Variants in PDE1C observed in about 807,000 individuals in gnomAD.
PDE1C encodes phosphodiesterase 1C.
A neutral mutation model predicts 93.1 loss-of-function variants in PDE1C; 62 were observed. The observed-to-expected ratio is 0.67, with a 90% CI of 0.54 to 0.82. The LOEUF (loss-of-function observed/expected upper bound fraction) is 0.82. Among genes scored for constraint, PDE1C ranks in the 40% least tolerant of loss-of-function variants. The pLI, the probability that PDE1C is intolerant of heterozygous loss-of-function variation, is 0.00. For missense variants in PDE1C, 742 were observed against 884.6 expected, an observed-to-expected ratio of 0.84 and a Z score of 2.04; for synonymous variants, 325 against 310.1, an observed-to-expected ratio of 1.05 and a Z score of -0.50.
intron 3 of PDE1C, among the ~76,000 whole-genome samples, chr7:32,125,701 C>T (rs1257213293): frequency 6.6e-6 from 1 of 151,810 alleles, no homozygotes; most frequent in East Asian, 1.9e-4. Context: ...GGGAACAACA[C>T]ACATCAGGGC....
chr7:31,651,561 G>A, the PDE1C span, among the ~76,000 whole-genome samples: 1 of 152,122 alleles, frequency 6.6e-6, no homozygotes, highest in African/African-American at 2.4e-5. Flanking sequence ...AAATGTGGGA[G>A]TTATGAGAGT....
chr7:31,639,795 CA>C, the PDE1C span, among the ~76,000 whole-genome samples: 2 of 152,058 alleles, frequency 1.3e-5, no homozygotes, highest in Non-Finnish European at 2.9e-5. Context: ...CTCAGCCTCC[CA>C]AAGTGCTGGG....
At chr7:31,794,037 TAGATAG>T (rs1784920301) in intron 16 of PDE1C, among the ~76,000 whole-genome samples, 1 of 105,764 alleles carries the variant, frequency 9.5e-6, no homozygotes, top group African/African-American at 3.6e-5. Flanking sequence ...GATAGATAGA[TAGATAG>T]ACAGACAGAC....
chr7:31,974,512 C>T (rs1216512069), intron 2 of PDE1C, among the ~76,000 whole-genome samples: 1 of 152,144 alleles, frequency 6.6e-6, no homozygotes, highest in Admixed American at 6.5e-5. Context: ...GTACTAACAA[C>T]ACCCACTGAA....
At chr7:32,330,096 G>C (rs1197168396) in intron 1 of PDE1C, among the ~76,000 whole-genome samples, 1 of 152,218 alleles carries the variant, frequency 6.6e-6, no homozygotes, top group Non-Finnish European at 1.5e-5. Flanking sequence ...TCCCAAAATG[G>C]AGATTTTGTT....
chr7:31,756,080 G>A (rs992165535), intron 17 of PDE1C, among the ~76,000 whole-genome samples: 1 of 152,150 alleles, frequency 6.6e-6, no homozygotes, highest in African/African-American at 2.4e-5. Flanking sequence ...GCTCAGGCAG[G>A]AGAATCGCTT....
At chr7:32,306,289 C>A (rs1294385325) in intron 1 of PDE1C, among the ~76,000 whole-genome samples, 1 of 152,148 alleles carries the variant, frequency 6.6e-6, no homozygotes, top group Non-Finnish European at 1.5e-5. Context: ...CATAATACTT[C>A]CAGAATATTA....
chr7:31,734,141 AC>A, the PDE1C span, among the ~76,000 whole-genome samples: 1 of 152,184 alleles, frequency 6.6e-6, no homozygotes, highest in South Asian at 2.1e-4. Flanking sequence ...TTTACTGAGC[AC>A]CTAGTATGAG....
chr7:31,670,700 AG>A, the PDE1C span, among the ~76,000 whole-genome samples: 42 of 152,184 alleles, frequency 2.8e-4, no homozygotes, highest in African/African-American at 9.7e-4. Context: ...AGAAGAGAGC[AG>A]GTTCCTGGCA....
chr7:32,195,734 G>T (rs1804566579), intron 2 of PDE1C, among the ~76,000 whole-genome samples: 1 of 152,084 alleles, frequency 6.6e-6, no homozygotes, highest in Non-Finnish European at 1.5e-5. Flanking sequence ...TTTGGCATGG[G>T]TTTCTTCAGG....
chr7:31,713,055 G>A, the PDE1C span, among the ~76,000 whole-genome samples: 1 of 152,042 alleles, frequency 6.6e-6, no homozygotes, highest in African/African-American at 2.4e-5. Flanking sequence ...CTTTTCAACA[G>A]TCCCCCAAAG....
intron 2 of PDE1C, among the ~76,000 whole-genome samples, chr7:32,040,476 T>C (rs536182117): frequency 6.6e-6 from 1 of 152,146 alleles, no homozygotes; most frequent in South Asian, 2.1e-4. Flanking sequence ...CTGTAGACAT[T>C]GCCAAATACC....
chr7:31,995,570 T>C (rs1784619980), intron 2 of PDE1C, among the ~76,000 whole-genome samples: 1 of 152,208 alleles, frequency 6.6e-6, no homozygotes, highest in Non-Finnish European at 1.5e-5. Flanking sequence ...AAGTTTTTTA[T>C]TGTTGTGCTT....
At chr7:32,333,118 C>A (rs1008409372) in intron 1 of PDE1C, among the ~76,000 whole-genome samples, 1 of 152,074 alleles carries the variant, frequency 6.6e-6, no homozygotes, top group Non-Finnish European at 1.5e-5. Context: ...AATAAATAAC[C>A]AAAACCATAG....
the PDE1C span, among the ~76,000 whole-genome samples, chr7:31,644,413 C>T: frequency 6.6e-6 from 1 of 152,136 alleles, no homozygotes; most frequent in Non-Finnish European, 1.5e-5. Flanking sequence ...TAAGAAGAAC[C>T]CTGTAAAGCA....
At chr7:32,042,611 A>G (rs1353754806) in intron 2 of PDE1C, among the ~76,000 whole-genome samples, 1 of 152,226 alleles carries the variant, frequency 6.6e-6, no homozygotes, top group Non-Finnish European at 1.5e-5. Flanking sequence ...GTGCTTTAGC[A>G]ATACTTTTAA....
chr7:32,068,647 G>C (rs1795679068), intron 1 of PDE1C, among the ~76,000 whole-genome samples: 1 of 152,238 alleles, frequency 6.6e-6, no homozygotes, highest in Admixed American at 6.5e-5. Context: ...ACACGACGCA[G>C]TGTTGTAAGT....
chr7:31,825,835 A>T (rs1789585129), intron 12 of PDE1C, among the ~76,000 whole-genome samples: 1 of 152,102 alleles, frequency 6.6e-6, no homozygotes. Context: ...GAAAACAGGA[A>T]ATAGAAGGAG....
intron 7 of PDE1C, among the ~76,000 whole-genome samples, chr7:31,858,564 C>A (rs1038577575): frequency 1.1e-4 from 16 of 152,028 alleles, no homozygotes; most frequent in East Asian, 3.9e-4. Context: ...ATGAATGAAA[C>A]CCTTAGGAGT....
Sources: allele counts gnomAD v4.1 joint callset (sites outside exome capture counted in the v4.1 genomes callset), GRCh38; gene constraint gnomAD v4.1.1; transcripts MANE v1.5; gene names NCBI Gene and HGNC (gene_info 2026-07-23, HGNC 2026-07-21).